MGST1: variants seen among roughly 807,000 people sequenced by gnomAD.
MGST1 encodes the protein microsomal glutathione S-transferase 1.
Under a neutral mutation model 8.9 loss-of-function variants are expected in MGST1, and 5 were observed. The observed-to-expected ratio is 0.56, with a 90% CI of 0.29 to 1.19. MGST1 has a LOEUF of 1.19. Among genes scored for constraint, MGST1 ranks in the 50% most tolerant of loss-of-function variants. The pLI is 0.08. For synonymous variants in MGST1, 54 were observed against 67.8 expected (o/e 0.80, Z 1.00); for missense variants, 182 against 187.4 (o/e 0.97, Z 0.17).
At chr12:16,511,252 T>C (rs1941575245) in intron 4 of MGST1, among the ~76,000 whole-genome samples, 1 of 152,206 alleles carries the variant, frequency 6.6e-6, no homozygotes, top group African/African-American at 2.4e-5. Context: ...GCAGCAAAGT[T>C]ATATATATAT....
intron 1 of MGST1, among the ~76,000 whole-genome samples, chr12:16,431,218 G>A (rs1020960528): frequency 6.6e-6 from 1 of 152,228 alleles, no homozygotes; most frequent in African/African-American, 2.4e-5. Flanking sequence ...TAGCTGGTTT[G>A]ATCTTCTATT....
chr12:16,566,034 AT>A, intron 4 of MGST1, among the ~76,000 whole-genome samples: 2 of 102,016 alleles, frequency 2.0e-5, no homozygotes, highest in Non-Finnish European at 3.9e-5. Context: ...ATATATATAT[AT>A]ATATAAAATG....
intron 1 of MGST1, among the ~76,000 whole-genome samples, chr12:16,431,448 T>C (rs1443693841): frequency 6.6e-6 from 1 of 152,112 alleles, no homozygotes; most frequent in East Asian, 1.9e-4. Context: ...GTGCGAGATG[T>C]GCAACTCTTT....
chr12:16,374,095 A>G (rs770385709), intron 3 of MGST1, among the ~76,000 whole-genome samples: 1 of 152,128 alleles, frequency 6.6e-6, no homozygotes, highest in African/African-American at 2.4e-5. Context: ...GTGTAACACC[A>G]TTAAATCACT....
intron 4 of MGST1, among the ~76,000 whole-genome samples, chr12:16,577,750 T>TA (rs1943038634): frequency 6.6e-6 from 1 of 152,192 alleles, no homozygotes; most frequent in African/African-American, 2.4e-5. Flanking sequence ...ATCTGTTCAA[T>TA]AACTTACAAT....
At chr12:16,543,608 T>G (rs957007956) in intron 4 of MGST1, among the ~76,000 whole-genome samples, 1 of 151,880 alleles carries the variant, frequency 6.6e-6, no homozygotes, top group Non-Finnish European at 1.5e-5. Flanking sequence ...GTTAAATGCT[T>G]GCCTTAGATT....
chr12:16,350,033 C>T (rs528348266), intron 1 of MGST1, among the ~76,000 whole-genome samples: 31 of 152,276 alleles, frequency 2.0e-4, no homozygotes, highest in African/African-American at 5.3e-4. Context: ...CATGAGCCAC[C>T]GCGCTCGGCC....
chr12:16,413,797 GTTAT>G lies in MGST1; in HGVS notation n.779-23587_779-23584del, dbSNP rs1386996531. On this transcript the variant is annotated intron_variant and non_coding_transcript_variant, in intron 1 of 1. Coordinates refer to the MGST1 transcript ENST00000359720. The surrounding 1 kb of genome is among the most constrained non-coding windows in gnomAD (Gnocchi z 4.0). ...ACTTCTAGACTATGCAATTAATAGTGTTATTTAATCTTGGCATCTCCAGCATATA... is the reference window on the plus strand; with the variant it reads ...ACTTCTAGACTATGCAATTAATAGTGTTAATCTTGGCATCTCCAGCATATA... Among the ~76,000 whole-genome samples the G allele has an allele frequency of 6.6e-6, 1 of 152,136 alleles. No homozygotes were observed. Among genetic ancestry groups the G allele is most frequent in the Non-Finnish European group, 1.5e-5 (1 of 68,022 alleles).
In MGST1 at chr12:16,401,544, A is replaced by G; in HGVS notation, n.778+17940A>G. 9.5e-7 allele frequency: 1 copy of G among 1,049,222 alleles called. No homozygotes were observed. Among genetic ancestry groups the G allele is most frequent in the Non-Finnish European group, 1.5e-6 (1 of 670,688 alleles). 65.0% of individuals were successfully genotyped at this position (1,049,222 alleles called of 1,614,324 possible). On this transcript the variant is annotated intron_variant and non_coding_transcript_variant, in intron 1 of 1. Coordinates refer to the MGST1 transcript ENST00000359720. This position sits in a 1 kb window ranked among gnomAD's most constrained non-coding sequence, Gnocchi z 4.3. ...AATTTTCTTGAACTTCCTGAGGAGG[A>G]TCAGCCATCAAAGTGCGAACAGGTT...
At chr12:16,408,043 A>G (rs893463935) in intron 1 of MGST1, among the ~76,000 whole-genome samples, 1 of 118,012 alleles carries the variant, frequency 8.5e-6, no homozygotes, top group African/African-American at 4.4e-5. Flanking sequence ...AAAAAAAAAA[A>G]AAAAAAAAAA....
At chr12:16,451,100 T>G (rs2137112974) in intron 4 of MGST1, among the ~76,000 whole-genome samples, 1 of 152,118 alleles carries the variant, frequency 6.6e-6, no homozygotes, top group African/African-American at 2.4e-5. Context: ...AACAGATGTA[T>G]AAGTATCATT....
Position 16,584,230 on chromosome 12 carries a change from G to A in MGST1, n.483-5298G>A, listed in dbSNP as rs1440300395. On this transcript the variant is annotated intron_variant and non_coding_transcript_variant, in intron 4 of 4. Coordinates refer to the MGST1 transcript ENST00000538857. This position sits in a 1 kb window ranked among gnomAD's most constrained non-coding sequence, Gnocchi z 5.2. ...GATGCATTTTTTAGTAGTGAGTGGG[G>A]AGAGTTATGTGTATCTAAGATTGCC... Among the ~76,000 whole-genome samples the A allele has an allele frequency of 6.6e-6, 1 of 152,134 alleles. No homozygotes were observed. The highest frequency in any genetic ancestry group is 2.4e-5 in the African/African-American group (1 of 41,434).
At chr12:16,574,709 A>G (rs1007959809) in intron 4 of MGST1, among the ~76,000 whole-genome samples, 1 of 152,202 alleles carries the variant, frequency 6.6e-6, no homozygotes. Flanking sequence ...GCTTGTTTCC[A>G]ACCGCAAAGG....
At chr12:16,524,015 A>G (rs1023820558) in intron 4 of MGST1, among the ~76,000 whole-genome samples, 3 of 152,136 alleles carry the variant, frequency 2.0e-5, no homozygotes, top group Admixed American at 2.0e-4. Flanking sequence ...CAGGAAAGAA[A>G]ATGGTGTTAA....
chr12:16,519,578 G>A (rs755531011), intron 4 of MGST1, among the ~76,000 whole-genome samples: 2 of 152,106 alleles, frequency 1.3e-5, no homozygotes, highest in African/African-American at 4.8e-5. Flanking sequence ...TTTACTACTT[G>A]CTTAGTCTCT....
At chr12:16,571,565 A>G (rs991886090) in intron 4 of MGST1, among the ~76,000 whole-genome samples, 3 of 152,044 alleles carry the variant, frequency 2.0e-5, no homozygotes, top group Admixed American at 6.6e-5. Context: ...TGCCTAGTCT[A>G]TATACTCATG....
At chr12:16,402,364 G>C in intron 1 of MGST1, 3 of 1,603,388 alleles carry the variant, frequency 1.9e-6, no homozygotes, top group Non-Finnish European at 2.6e-6. Context: ...TCTGCCAATT[G>C]CTGTACAGTC....
intron 1 of MGST1, among the ~76,000 whole-genome samples, chr12:16,414,631 A>G (rs35827298): frequency 0.53 from 80,081 of 151,436 alleles, 22,218 homozygotes; most frequent in East Asian, 0.87. Flanking sequence ...TAGCCAGGAT[A>G]GTCTCCATCT....
chr12:16,474,529 T>C (rs1444962798), intron 4 of MGST1, among the ~76,000 whole-genome samples: 1 of 152,210 alleles, frequency 6.6e-6, no homozygotes, highest in African/African-American at 2.4e-5. Flanking sequence ...ATCTCCAAGG[T>C]ATTCTCAAAT....
Sources: allele counts gnomAD v4.1 joint callset (sites outside exome capture counted in the v4.1 genomes callset), GRCh38; gene constraint gnomAD v4.1.1; non-coding constraint Gnocchi (gnomAD v3.1); transcripts MANE v1.5; gene names NCBI Gene and HGNC (gene_info 2026-07-23, HGNC 2026-07-21).